FAT3: variants seen among roughly 807,000 people sequenced by gnomAD.
FAT3 encodes the protein FAT atypical cadherin 3, also known as protocadherin Fat 3.
Under a neutral mutation model 310.2 loss-of-function variants are expected in FAT3, and 95 were observed. The observed-to-expected ratio is 0.31, with a 90% confidence interval of 0.26 to 0.36. FAT3 has a LOEUF of 0.36. Ranked by LOEUF, FAT3 falls within the 10% of genes least tolerant of loss-of-function variation. FAT3 has a pLI of 1.00. For missense variants in FAT3, 5,408 were observed against 5,715.6 expected (o/e 0.95, Z 1.74); for synonymous variants, 2,314 against 2,192.9 (o/e 1.06, Z -1.54).
intron 3 of FAT3, chr11:92,559,475 C>T (rs1369866163): frequency 5.2e-6 from 2 of 382,416 alleles, no homozygotes; most frequent in South Asian, 3.8e-5. Context: ...ATCTCGAACT[C>T]CTGGATTCAA....
intron 2 of FAT3, among the ~76,000 whole-genome samples, chr11:92,509,750 T>C (rs575060187): frequency 6.6e-6 from 1 of 152,286 alleles, no homozygotes; most frequent in African/African-American, 2.4e-5. Context: ...CTGCAGTTAC[T>C]TTTGCACCTA....
At chr11:92,787,713 AAAG>A (rs1400763424) in intron 7 of FAT3, among the ~76,000 whole-genome samples, 1 of 150,484 alleles carries the variant, frequency 6.6e-6, no homozygotes. Flanking sequence ...TATAAAATAA[AAAG>A]AACTACAAAA....
intron 3 of FAT3, among the ~76,000 whole-genome samples, chr11:92,682,483 A>T (rs977085717): frequency 6.6e-6 from 1 of 152,240 alleles, no homozygotes; most frequent in Non-Finnish European, 1.5e-5. Flanking sequence ...GCTGGGCCTT[A>T]CTTTCCTCAC....
At chr11:92,288,836 T>C (rs966993166) in intron 1 of FAT3, among the ~76,000 whole-genome samples, 3 of 152,170 alleles carry the variant, frequency 2.0e-5, no homozygotes, top group Admixed American at 1.3e-4. Context: ...CATTTGCATT[T>C]TTTAGTATTC....
At chr11:92,349,266 A>G (rs940536668) in intron 1 of FAT3, among the ~76,000 whole-genome samples, 5 of 152,142 alleles carry the variant, frequency 3.3e-5, no homozygotes, top group African/African-American at 1.2e-4. Context: ...CCTAACCTTC[A>G]CATTCCCTTA....
At chr11:92,502,566 G>A (rs1276962160) in intron 2 of FAT3, among the ~76,000 whole-genome samples, 6 of 152,100 alleles carry the variant, frequency 3.9e-5, no homozygotes, top group Admixed American at 1.3e-4. Context: ...TTCACTTAGT[G>A]TTTTAAGACA....
chr11:92,491,803 C>G (rs1238475982), intron 2 of FAT3, among the ~76,000 whole-genome samples: 1 of 152,066 alleles, frequency 6.6e-6, no homozygotes, highest in Non-Finnish European at 1.5e-5. Flanking sequence ...CATGCAGAGA[C>G]TACTCTTGAT....
chr11:92,617,741 G>A (rs1940880548), intron 3 of FAT3, among the ~76,000 whole-genome samples: 2 of 152,260 alleles, frequency 1.3e-5, no homozygotes, highest in South Asian at 2.1e-4. Context: ...GAGTTTGCTG[G>A]AGGACCACTC....
At chr11:92,581,223 G>A (rs945329717) in intron 3 of FAT3, among the ~76,000 whole-genome samples, 7 of 152,070 alleles carry the variant, frequency 4.6e-5, no homozygotes, top group East Asian at 1.9e-4. Context: ...AGGAATTATG[G>A]CCCCTGTGTA....
chr11:92,619,506 A>AT (rs1177283741), intron 3 of FAT3, among the ~76,000 whole-genome samples: 1 of 152,066 alleles, frequency 6.6e-6, no homozygotes, highest in African/African-American at 2.4e-5. Flanking sequence ...CTGTGGGAAG[A>AT]TTTTTTGTTT....
intron 4 of FAT3, among the ~76,000 whole-genome samples, chr11:92,760,837 G>A (rs938409889): frequency 5.9e-5 from 9 of 152,122 alleles, no homozygotes; most frequent in African/African-American, 1.9e-4. Flanking sequence ...TATATTCTGT[G>A]AAAATTATGT....
At position 92,726,228 on chromosome 11, in the gene FAT3, G is replaced by A. The variant is rs531454585; in HGVS notation, c.3669+28783G>A. Among the ~76,000 whole-genome samples the A allele has an allele frequency of 1.6e-4, 25 of 152,194 alleles. No homozygotes were observed. In the South Asian group the frequency reaches 2.1e-3, roughly 13 times the overall value. On this transcript the variant is annotated intron_variant, in intron 4 of 27. Coordinates refer to ENST00000525166, the MANE Select transcript of FAT3 (RefSeq NM_001367949.2). ...AATTTCTAGAAAGTTCTACTGCAGA[G>A]TTTTCCTTTTCTATATTTATAGAAG...
At chr11:92,618,512 C>A (rs1395759757) in intron 3 of FAT3, among the ~76,000 whole-genome samples, 1 of 152,150 alleles carries the variant, frequency 6.6e-6, no homozygotes, top group African/African-American at 2.4e-5. Context: ...GAGATGAACC[C>A]AGTACCTCAG....
intron 7 of FAT3, among the ~76,000 whole-genome samples, chr11:92,782,137 T>C (rs572355866): frequency 2.6e-5 from 4 of 152,160 alleles, no homozygotes; most frequent in Admixed American, 1.3e-4. Flanking sequence ...AGCGAGAACT[T>C]ATTTCTGCAA....
intron 22 of FAT3, among the ~76,000 whole-genome samples, chr11:92,877,736 G>C (rs1949566248): frequency 6.6e-6 from 1 of 152,244 alleles, no homozygotes; most frequent in East Asian, 1.9e-4. Context: ...ATAAGCAATG[G>C]TTACAAGTAA....
intron 3 of FAT3, among the ~76,000 whole-genome samples, chr11:92,543,698 A>G (rs2135418075): frequency 6.6e-6 from 1 of 152,340 alleles, no homozygotes; most frequent in South Asian, 2.1e-4. Flanking sequence ...ACATGAACTC[A>G]TCAGAAGTAA....
intron 3 of FAT3, among the ~76,000 whole-genome samples, chr11:92,612,126 A>C (rs1466482825): frequency 6.6e-6 from 1 of 152,238 alleles, no homozygotes; most frequent in East Asian, 1.9e-4. Flanking sequence ...CCAGAGTGAT[A>C]GCATCTCTGT....
intron 3 of FAT3, among the ~76,000 whole-genome samples, chr11:92,585,907 T>C (rs568564084): frequency 1.3e-3 from 201 of 152,006 alleles, no homozygotes; most frequent in Non-Finnish European, 2.6e-3. Flanking sequence ...TGCTCCCTCC[T>C]TCCTTCCCTC....
chr11:92,336,250 C>A, intron 1 of FAT3: 1 of 556,580 alleles, frequency 1.8e-6, no homozygotes, highest in South Asian at 1.4e-5. Flanking sequence ...TTCCAGATGT[C>A]CAAAATGGGG....
Sources: allele counts gnomAD v4.1 joint callset (sites outside exome capture counted in the v4.1 genomes callset), GRCh38; gene constraint gnomAD v4.1.1; transcripts MANE v1.5; gene names NCBI Gene and HGNC (gene_info 2026-07-23, HGNC 2026-07-21).